AKAP19: variants seen among roughly 807,000 people sequenced by gnomAD.
AKAP19 encodes small A-kinase anchoring protein.
At chr2:189,965,817 A>G in the AKAP19 span, among the ~76,000 whole-genome samples, 6 of 152,318 alleles carry the variant, frequency 3.9e-5, no homozygotes, top group South Asian at 6.2e-4. Context: ...CCAGAGGAAA[A>G]GAAGTCATAC....
the AKAP19 span, among the ~76,000 whole-genome samples, chr2:190,144,284 A>C: frequency 6.6e-6 from 1 of 151,176 alleles, no homozygotes; most frequent in African/African-American, 2.4e-5. Flanking sequence ...CTCAAGTCCC[A>C]CTAAAAAGAA....
At chr2:189,958,520 A>AAC in the AKAP19 span, among the ~76,000 whole-genome samples, 1 of 114,452 alleles carries the variant, frequency 8.7e-6, no homozygotes, top group Non-Finnish European at 1.8e-5. Context: ...ATACACACAT[A>AAC]ACATATATAT....
the AKAP19 span, among the ~76,000 whole-genome samples, chr2:190,115,303 T>TA: frequency 5.2e-3 from 28 of 5,410 alleles, no homozygotes; most frequent in East Asian, 0.014. Flanking sequence ...ATATATATAT[T>TA]TTTTTTTTTT....
the AKAP19 span, among the ~76,000 whole-genome samples, chr2:189,996,588 T>C: frequency 6.6e-6 from 1 of 152,238 alleles, no homozygotes; most frequent in African/African-American, 2.4e-5. Flanking sequence ...GAATTCTTCA[T>C]CTGGTAATTC....
At chr2:189,971,001 T>C in the AKAP19 span, among the ~76,000 whole-genome samples, 1 of 152,326 alleles carries the variant, frequency 6.6e-6, no homozygotes, top group South Asian at 2.1e-4. Context: ...TTTATTATTA[T>C]ACTTTAAGTT....
chr2:189,889,530 A>G, the AKAP19 span, among the ~76,000 whole-genome samples: 1 of 152,194 alleles, frequency 6.6e-6, no homozygotes, highest in Admixed American at 6.5e-5. Context: ...TACCTCTGGT[A>G]GAATTCGGCT....
chr2:190,093,291 G>A, the AKAP19 span, among the ~76,000 whole-genome samples: 1 of 151,984 alleles, frequency 6.6e-6, no homozygotes, highest in Admixed American at 6.5e-5. Context: ...AAATTAGCCG[G>A]GAGTGGTGGT....
chr2:190,171,832 G>A, the AKAP19 span, among the ~76,000 whole-genome samples: 3 of 152,078 alleles, frequency 2.0e-5, no homozygotes, highest in Non-Finnish European at 2.9e-5. Context: ...CTTTGTTATT[G>A]TCTCAGGCAT....
chr2:189,983,530 C>CA, the AKAP19 span, among the ~76,000 whole-genome samples: 2 of 152,234 alleles, frequency 1.3e-5, no homozygotes, highest in Non-Finnish European at 2.9e-5. Context: ...GTATCTGCAA[C>CA]AATATGCAAG....
chr2:189,891,212 CTTTTTTTTTCCTTTTTTT>C, the AKAP19 span, among the ~76,000 whole-genome samples: 2 of 120,766 alleles, frequency 1.7e-5, no homozygotes, highest in Non-Finnish European at 3.5e-5. Context: ...GTTGAAAGTT[CTTTTTTTTTCCTTTTTTT>C]TTTTTTTTTT....
At chr2:190,126,687 T>TAA in the AKAP19 span, among the ~76,000 whole-genome samples, 14 of 152,158 alleles carry the variant, frequency 9.2e-5, no homozygotes, top group South Asian at 8.3e-4. Context: ...ATTAGGACTT[T>TAA]AGGTAAGAAA....
the AKAP19 span, among the ~76,000 whole-genome samples, chr2:190,146,521 A>G: frequency 0.92 from 140,017 of 152,300 alleles, 65,105 homozygotes; most frequent in East Asian, 1. Context: ...ATACCCAGTA[A>G]TGGGATTGCT....
At chr2:190,108,857 G>T in the AKAP19 span, among the ~76,000 whole-genome samples, 1 of 149,340 alleles carries the variant, frequency 6.7e-6, no homozygotes. Context: ...AGATATAGGA[G>T]AAAATATTTT....
chr2:189,894,466 G>A, the AKAP19 span, among the ~76,000 whole-genome samples: 22 of 152,066 alleles, frequency 1.4e-4, no homozygotes, highest in Non-Finnish European at 2.8e-4. Flanking sequence ...TATTGAGTTA[G>A]AAACAAGAAC....
At chr2:190,124,016 A>T in the AKAP19 span, among the ~76,000 whole-genome samples, 15 of 152,324 alleles carry the variant, frequency 9.8e-5, no homozygotes, top group South Asian at 1.0e-3. Context: ...AAGGATTTAC[A>T]CCAGCAGCCT....
At chr2:190,019,068 A>T in the AKAP19 span, among the ~76,000 whole-genome samples, 3 of 152,190 alleles carry the variant, frequency 2.0e-5, no homozygotes, top group Admixed American at 6.5e-5. Flanking sequence ...GCTAGGCCCT[A>T]AGGCTAGGTG....
At chr2:190,005,991 A>T in the AKAP19 span, among the ~76,000 whole-genome samples, 1 of 152,198 alleles carries the variant, frequency 6.6e-6, no homozygotes, top group Non-Finnish European at 1.5e-5. Context: ...ATATATGCTA[A>T]TGCTCAATAC....
chr2:190,053,656 A>T, the AKAP19 span, among the ~76,000 whole-genome samples: 101 of 152,266 alleles, frequency 6.6e-4, no homozygotes, highest in African/African-American at 2.3e-3. Flanking sequence ...TGACTTGCCT[A>T]TCATTGCCTA....
At chr2:189,915,488 A>G in the AKAP19 span, among the ~76,000 whole-genome samples, 1 of 152,146 alleles carries the variant, frequency 6.6e-6, no homozygotes, top group African/African-American at 2.4e-5. Context: ...AAAAACTGGG[A>G]CCTAGAGATA....
Sources: gnomAD v4.1 joint callset for allele counts (sites outside exome capture counted in the v4.1 genomes callset) on GRCh38, gnomAD v4.1.1 for gene constraint, MANE v1.5 for transcripts, NCBI Gene and HGNC (gene_info 2026-07-23, HGNC 2026-07-21) for gene names.